The following MCC variants were observed in gnomAD, a reference collection of about 807,000 sequenced individuals.
MCC encodes MCC regulator of Wnt signaling pathway.
In MCC, 90 loss-of-function variants were observed where a neutral mutation model predicts 116.2. The ratio of observed to expected loss-of-function variants is 0.77; its 90% confidence interval spans 0.65 to 0.92. The LOEUF is 0.92. Among genes scored for constraint, MCC ranks in the 40% least tolerant of loss-of-function variants. The pLI is 0.00. For synonymous variants in MCC, 578 were observed against 510.5 expected (o/e 1.13, Z -1.78); for missense variants, 1,516 against 1,312.2 (o/e 1.16, Z -2.40).
chr5:113,050,051 C>G (rs767312876), intron 15 of MCC, among the ~76,000 whole-genome samples: 1 of 152,200 alleles, frequency 6.6e-6, no homozygotes, highest in Non-Finnish European at 1.5e-5. Flanking sequence ...TTACTGAGCA[C>G]GTGGCACTGT....
chr5:113,235,778 C>T (rs1471324942), intron 3 of MCC, among the ~76,000 whole-genome samples: 1 of 152,194 alleles, frequency 6.6e-6, no homozygotes, highest in Non-Finnish European at 1.5e-5. Context: ...CTTTACATTC[C>T]TCCAGGAAAC....
At chr5:113,244,428 T>A (rs534041985) in intron 3 of MCC, among the ~76,000 whole-genome samples, 1 of 152,376 alleles carries the variant, frequency 6.6e-6, no homozygotes, top group East Asian at 1.9e-4. Flanking sequence ...ATACTCTATA[T>A]AATCTCTAGA....
chr5:113,140,622 T>C (rs1329628564), intron 5 of MCC, among the ~76,000 whole-genome samples: 4 of 152,152 alleles, frequency 2.6e-5, no homozygotes, highest in Non-Finnish European at 5.9e-5. Context: ...TATGAGATTG[T>C]CATTTTCTTT....
chr5:113,301,699 G>C (rs1047636429), intron 3 of MCC, among the ~76,000 whole-genome samples: 1 of 152,014 alleles, frequency 6.6e-6, no homozygotes, highest in African/African-American at 2.4e-5. Context: ...AGTGAGGGAA[G>C]GGTGGACAGG....
intron 3 of MCC, among the ~76,000 whole-genome samples, chr5:113,218,831 AAAT>A (rs1327491227): frequency 6.6e-6 from 1 of 151,522 alleles, no homozygotes; most frequent in Non-Finnish European, 1.5e-5. Flanking sequence ...GTTACTTTCA[AAAT>A]AAAAGATGTA....
chr5:113,237,608 C>T (rs182044053), intron 3 of MCC, among the ~76,000 whole-genome samples: 7 of 152,286 alleles, frequency 4.6e-5, no homozygotes, highest in Admixed American at 2.6e-4. Context: ...GGAGGAAACA[C>T]GGGCCAGGGG....
At chr5:113,333,836 T>TACATATATATAC (rs372077130) in intron 3 of MCC, among the ~76,000 whole-genome samples, 3 of 59,298 alleles carry the variant, frequency 5.1e-5, no homozygotes, top group African/African-American at 3.1e-4. Context: ...TGTATATATG[T>TACATATATATAC]ATATATGTAT....
At chr5:113,385,234 A>T (rs1769225901) in intron 1 of MCC, 22 bp from the exon 2 acceptor site, 1 of 1,607,994 alleles carries the variant, frequency 6.2e-7, no homozygotes, top group African/African-American at 1.3e-5. Context: ...GTTGAACAGA[A>T]GAAAATGTGT....
intron 2 of MCC, among the ~76,000 whole-genome samples, chr5:113,366,694 C>T (rs1195066218): frequency 6.6e-6 from 1 of 152,158 alleles, no homozygotes; most frequent in Non-Finnish European, 1.5e-5. Flanking sequence ...AAGGTTTCCT[C>T]ATTTACTTAG....
At chr5:113,267,167 G>A (rs1581342146) in intron 3 of MCC, among the ~76,000 whole-genome samples, 1 of 152,116 alleles carries the variant, frequency 6.6e-6, no homozygotes, top group Admixed American at 6.6e-5. Flanking sequence ...CGTCCCTGTA[G>A]CAGGCCCTCA....
chr5:113,183,821 T>TGGGGAGAAAG (rs1561436218), intron 3 of MCC, among the ~76,000 whole-genome samples: 1 of 152,124 alleles, frequency 6.6e-6, no homozygotes, highest in African/African-American at 2.4e-5. Flanking sequence ...GCAAGACTTG[T>TGGGGAGAAAG]GGGGAGAAAG....
intron 3 of MCC, among the ~76,000 whole-genome samples, chr5:113,198,450 T>G (rs1762523111): frequency 6.6e-6 from 1 of 151,244 alleles, no homozygotes; most frequent in African/African-American, 2.4e-5. Flanking sequence ...ATCCCAGCAC[T>G]TTGGGAGGTT....
At chr5:113,185,960 G>T (rs1021147143) in intron 3 of MCC, among the ~76,000 whole-genome samples, 1 of 152,110 alleles carries the variant, frequency 6.6e-6, no homozygotes, top group Non-Finnish European at 1.5e-5. Flanking sequence ...TGTATATTCA[G>T]ATGAGAGCCA....
At chr5:113,194,506 A>G (rs916267790) in intron 3 of MCC, among the ~76,000 whole-genome samples, 1 of 152,162 alleles carries the variant, frequency 6.6e-6, no homozygotes, top group African/African-American at 2.4e-5. Context: ...CTGTACAAAA[A>G]AATAAAAACT....
intron 7 of MCC, 97 bp from the exon 8 acceptor site, chr5:113,102,042 A>T: frequency 1.7e-6 from 2 of 1,178,560 alleles, no homozygotes; most frequent in South Asian, 2.6e-5. Context: ...TCCATAGAGG[A>T]GTGTGTTCTA....
At chr5:113,126,516 T>C (rs1331823414) in intron 5 of MCC, among the ~76,000 whole-genome samples, 2 of 152,188 alleles carry the variant, frequency 1.3e-5, no homozygotes, top group Non-Finnish European at 2.9e-5. Flanking sequence ...CATAAATATA[T>C]TTGACAATTT....
At chr5:113,191,269 C>A (rs1021033786) in intron 3 of MCC, among the ~76,000 whole-genome samples, 3 of 151,942 alleles carry the variant, frequency 2.0e-5, no homozygotes, top group Non-Finnish European at 4.4e-5. Flanking sequence ...TCTGACCCTT[C>A]TTCTTCTTCT....
At chr5:113,050,267 C>T (rs141213687) in intron 15 of MCC, among the ~76,000 whole-genome samples, 1 of 152,308 alleles carries the variant, frequency 6.6e-6, no homozygotes, top group East Asian at 1.9e-4. Flanking sequence ...GGTGAGCCCA[C>T]GCATGACTCT....
intron 3 of MCC, among the ~76,000 whole-genome samples, chr5:113,302,649 C>T (rs900774516): frequency 6.6e-6 from 1 of 152,068 alleles, no homozygotes; most frequent in Non-Finnish European, 1.5e-5. Context: ...GTCTGGGATT[C>T]ATGTCAAAGT....
Sources: gnomAD v4.1 joint callset for allele counts (sites outside exome capture counted in the v4.1 genomes callset) on GRCh38, gnomAD v4.1.1 for gene constraint, MANE v1.5 for transcripts, NCBI Gene and HGNC (gene_info 2026-07-23, HGNC 2026-07-21) for gene names.